The following NBAS variants were observed in gnomAD, a reference collection of about 807,000 sequenced individuals.
NBAS encodes the protein NBAS subunit of NRZ tethering complex, also known as NAG/BC035112 fusion.
Under a neutral mutation model 302.5 loss-of-function variants are expected in NBAS, and 219 were observed. The observed-to-expected ratio is 0.72, with a 90% CI of 0.65 to 0.81. The LOEUF is 0.81. Among genes scored for constraint, NBAS ranks in the 30% least tolerant of loss-of-function variants. NBAS has a pLI of 0.00. For synonymous variants in NBAS, 1,118 were observed against 1,021.6 expected (o/e 1.09, Z -1.80); for missense variants, 2,932 against 2,841.6 (o/e 1.03, Z -0.72).
the NBAS span, among the ~76,000 whole-genome samples, chr2:15,067,015 T>C: frequency 1.8e-4 from 27 of 152,198 alleles, no homozygotes; most frequent in Admixed American, 3.9e-4. Flanking sequence ...TAGAATATTA[T>C]TCAGCCTTAA....
intron 48 of NBAS, among the ~76,000 whole-genome samples, chr2:15,206,881 G>A (rs181989506): frequency 2.6e-5 from 4 of 152,262 alleles, no homozygotes; most frequent in Admixed American, 2.6e-4. Flanking sequence ...TCTGCTACAG[G>A]GTTGCAGCCC....
chr2:15,308,403 A>T, intron 39 of NBAS, 50 bp from the exon 40 acceptor site: 3 of 1,593,442 alleles, frequency 1.9e-6, no homozygotes, highest in Non-Finnish European at 2.6e-6. Context: ...AATTATGAAG[A>T]TCATTATAAA....
intron 11 of NBAS, among the ~76,000 whole-genome samples, chr2:15,501,973 G>A (rs2148632374): frequency 6.6e-6 from 1 of 152,284 alleles, no homozygotes; most frequent in East Asian, 1.9e-4. Flanking sequence ...CCAAACTTGA[G>A]TAGTAAAATA....
intron 48 of NBAS, among the ~76,000 whole-genome samples, chr2:15,196,011 G>C (rs886640749): frequency 4.6e-5 from 7 of 152,186 alleles, no homozygotes; most frequent in African/African-American, 1.7e-4. Flanking sequence ...CCAAGTCAAA[G>C]GTCAGACAGG....
At chr2:15,481,560 C>T (rs1680428343) in intron 12 of NBAS, among the ~76,000 whole-genome samples, 1 of 152,120 alleles carries the variant, frequency 6.6e-6, no homozygotes, top group Non-Finnish European at 1.5e-5. Flanking sequence ...TGCCACTTCT[C>T]TGTATTTGCT....
intron 29 of NBAS, 112 bp from the exon 30 acceptor site, chr2:15,379,943 G>T: frequency 1.1e-6 from 1 of 931,570 alleles, no homozygotes; most frequent in South Asian, 1.4e-5. Context: ...CCACCCTAGA[G>T]GTGGTGGCTG....
intron 39 of NBAS, 86 bp downstream of exon 39, chr2:15,309,085 C>A: frequency 2.2e-6 from 2 of 913,398 alleles, no homozygotes; most frequent in South Asian, 3.3e-5. Context: ...AAATGGCATG[C>A]AATAAACAAT....
At chr2:15,072,596 G>A in the NBAS span, among the ~76,000 whole-genome samples, 4 of 151,884 alleles carry the variant, frequency 2.6e-5, no homozygotes, top group Non-Finnish European at 5.9e-5. Context: ...TTTTAACCTC[G>A]GTTTTGTGTT....
In NBAS at chr2:15,439,689, G is replaced by A. The variant is rs111888677; in HGVS notation, c.2340-11895C>T. ...GGGTGCAGCGCGCCGTGCACAAGCC[G>A]AAGTAGGGCGAGGCATTGCCTCACT... is the stretch of plus-strand genomic sequence containing the variant. On this transcript the variant is annotated intron_variant, in intron 21 of 51. Coordinates refer to ENST00000281513, the MANE Select transcript of NBAS (RefSeq NM_015909.4). Among the ~76,000 whole-genome samples, 800 of 152,292 alleles carry A rather than the reference G, an allele frequency of 5.3e-3. 9 individuals are homozygous for A. Among genetic ancestry groups the A allele is most frequent in the African/African-American group, 0.018 (764 of 41,566 alleles).
chr2:15,283,276 A>C (rs1669901084), intron 42 of NBAS, among the ~76,000 whole-genome samples: 2 of 152,226 alleles, frequency 1.3e-5, no homozygotes, highest in South Asian at 4.1e-4. Context: ...AATTAACAAG[A>C]ATGACACAAA....
At chr2:14,913,096 T>C in the NBAS span, among the ~76,000 whole-genome samples, 1 of 152,222 alleles carries the variant, frequency 6.6e-6, no homozygotes, top group Non-Finnish European at 1.5e-5. Flanking sequence ...GCCACACATC[T>C]GCATTGGAAC....
the NBAS span, among the ~76,000 whole-genome samples, chr2:14,963,090 GA>G: frequency 6.6e-6 from 1 of 152,072 alleles, no homozygotes; most frequent in African/African-American, 2.4e-5. Context: ...CCAACATGGT[GA>G]AACTCCGTCT....
chr2:15,124,034 T>C, the NBAS span, among the ~76,000 whole-genome samples: 4 of 152,166 alleles, frequency 2.6e-5, no homozygotes, highest in Non-Finnish European at 5.9e-5. Flanking sequence ...TGAGCAAAAT[T>C]CTGGTAGAGA....
the NBAS span, among the ~76,000 whole-genome samples, chr2:14,939,446 A>G: frequency 6.6e-6 from 1 of 152,350 alleles, no homozygotes; most frequent in African/African-American, 2.4e-5. Context: ...ACAGCTAAAA[A>G]AGGCAGAGAA....
At chr2:14,889,872 A>G in the NBAS span, among the ~76,000 whole-genome samples, 1 of 152,256 alleles carries the variant, frequency 6.6e-6, no homozygotes, top group Non-Finnish European at 1.5e-5. Context: ...TTTACAAGTC[A>G]TTTCACTGGG....
intron 48 of NBAS, among the ~76,000 whole-genome samples, chr2:15,212,110 T>C (rs1666438985): frequency 6.6e-6 from 1 of 152,152 alleles, no homozygotes; most frequent in African/African-American, 2.4e-5. Flanking sequence ...AGACACCAAG[T>C]CCATGGATAC....
At position 15,383,264 on chromosome 2, in the gene NBAS, G is replaced by C. The variant is rs1454064511; in HGVS notation, c.3311C>G (p.Thr1104Ser). 4.3e-6 allele frequency: 7 copies of C among 1,613,948 alleles called. No homozygotes were observed. In the African/African-American group the frequency reaches 9.3e-5, roughly 22 times the overall value. Residue 1104 changes from threonine (T) to serine (S), a missense_variant, in exon 29 of 52, where the codon ACT (threonine) becomes AGT (serine). Coordinates refer to ENST00000281513, the MANE Select transcript of NBAS (RefSeq NM_015909.4). ...HWRTLLQDMLTMQQNVYTCLD... is the reference protein window; with the variant it reads ...HWRTLLQDMLSMQQNVYTCLD... The stretch of plus-strand genomic sequence containing the variant: ...ACATGTGTATACATTCTGCTGCATA[G>C]TTAACATGTCTTGCAGCAACGTTCT...
the NBAS span, among the ~76,000 whole-genome samples, chr2:14,969,101 G>A: frequency 1.3e-5 from 2 of 152,086 alleles, no homozygotes; most frequent in Non-Finnish European, 2.9e-5. Context: ...GTCAACAAAA[G>A]GCCACAAAGT....
intron 31 of NBAS, among the ~76,000 whole-genome samples, chr2:15,367,628 A>T (rs1199130029): frequency 6.6e-6 from 1 of 152,220 alleles, no homozygotes; most frequent in Non-Finnish European, 1.5e-5. Context: ...CCAGCTCGCT[A>T]AATGTTTTCA....
Sources: allele counts gnomAD v4.1 joint callset (sites outside exome capture counted in the v4.1 genomes callset), GRCh38; gene constraint gnomAD v4.1.1; transcripts MANE v1.5; gene names NCBI Gene and HGNC (gene_info 2026-07-23, HGNC 2026-07-21).